MTPAP: variants seen among roughly 807,000 people sequenced by gnomAD.
MTPAP encodes the protein poly(A) RNA polymerase, mitochondrial.
In MTPAP, 23 loss-of-function variants were observed where a neutral mutation model predicts 48.7. The observed-to-expected ratio is 0.47, with a 90% CI of 0.34 to 0.67. MTPAP has a LOEUF of 0.67. Among genes scored for constraint, MTPAP ranks in the 30% least tolerant of loss-of-function variants. MTPAP has a pLI of 0.01. For missense variants in MTPAP, 614 were observed against 694.3 expected (o/e 0.88, Z 1.30); for synonymous variants, 257 against 254.1 (o/e 1.01, Z -0.11).
chr10:30,323,451 CAAAAAAAAAA>C (rs755342499), intron 5 of MTPAP, among the ~76,000 whole-genome samples: 19 of 84,720 alleles, frequency 2.2e-4, no homozygotes, highest in Non-Finnish European at 3.0e-4. Flanking sequence ...GACCCTGCCT[CAAAAAAAAAA>C]AAAAAAAAAA....
At chr10:30,338,055 T>G (rs964020054) in intron 3 of MTPAP, among the ~76,000 whole-genome samples, 7 of 150,448 alleles carry the variant, frequency 4.7e-5, no homozygotes, top group Non-Finnish European at 8.9e-5. Flanking sequence ...AGCTCAGGAG[T>G]GAGACCAGCC....
chr10:30,315,785 G>C (rs931933592), intron 8 of MTPAP, among the ~76,000 whole-genome samples, 178 bp downstream of exon 8: 14 of 152,168 alleles, frequency 9.2e-5, no homozygotes, highest in African/African-American at 2.9e-4. Context: ...TTGGCATAAA[G>C]GGATGACTGA....
At chr10:30,331,709 G>A (rs903039656) in intron 4 of MTPAP, among the ~76,000 whole-genome samples, 2 of 152,208 alleles carry the variant, frequency 1.3e-5, no homozygotes, top group African/African-American at 4.8e-5. Context: ...TGGGATTACA[G>A]GCACCCGCCA....
intron 5 of MTPAP, 94 bp from the exon 6 acceptor site, chr10:30,322,711 C>T: frequency 1.2e-6 from 1 of 838,688 alleles, no homozygotes; most frequent in Non-Finnish European, 2.0e-6. Flanking sequence ...TCTAAATATC[C>T]TACTATATCT....
chr10:30,316,826 G>T (rs1463390110), intron 6 of MTPAP, among the ~76,000 whole-genome samples: 1 of 152,056 alleles, frequency 6.6e-6, no homozygotes. Flanking sequence ...GGAGGCGGAG[G>T]TTGCAATGAG....
In MTPAP at chr10:30,349,173, T is replaced by A; in HGVS notation, c.103A>T (p.Thr35Ser). ...PIVRLLSCPG[T>S]VAKDLRRDEQ... ...TCTCTCCTAAGGTCTTTGGCCACAGTTCCTGGGCAACTCAAAAGCCTGACG... is the reference window on the plus strand; with the variant it reads ...TCTCTCCTAAGGTCTTTGGCCACAGATCCTGGGCAACTCAAAAGCCTGACG... The change falls in exon 1 of 9, where the codon ACT becomes TCT. Residue 35 changes from threonine (T) to serine (S), a missense_variant. This residue lies in a region of MTPAP where 125 missense variants were observed against 111.5 expected (regional missense o/e 1.12). Transcript: ENST00000263063. The A allele has an allele frequency of 6.2e-7, 1 of 1,612,832 alleles. No individual in the cohort carries two copies. Among genetic ancestry groups the A allele is most frequent in the Non-Finnish European group, 8.5e-7 (1 of 1,179,634 alleles).
rs1840570777 is a variant in MTPAP, at chr10:30,309,820, T to G, written c.*3789A>C. The G allele has an allele frequency of 6.6e-6, 1 of 152,228 alleles. No individual in the cohort carries two copies. Among genetic ancestry groups the G allele is most frequent in the South Asian group, 2.1e-4 (1 of 4,830 alleles). The allele number at this position is 152,228 out of a possible 1,614,324, so 9.4% of individuals were successfully genotyped here. A position where few individuals can be genotyped will look rare whatever the true frequency, so the allele number is the denominator to read the frequency against. On this transcript the variant is annotated 3_prime_UTR_variant, in exon 9 of 9. Transcript: ENST00000263063. ...AAAAAGTCTTATTTCAACTCAACTT[T>G]ATTTTCCCTTCTCCTTTATGGTAAC...
chr10:30,321,297 C>T (rs1471899405), intron 6 of MTPAP, among the ~76,000 whole-genome samples: 1 of 152,100 alleles, frequency 6.6e-6, no homozygotes, highest in Admixed American at 6.5e-5. Context: ...TCAAGTGAAG[C>T]AGTGAGAGTG....
In MTPAP at chr10:30,309,929, C is replaced by G. The variant is rs1840571547; in HGVS notation, c.*3680G>C. 1 of 152,130 alleles carries G rather than the reference C, an allele frequency of 6.6e-6. No individual in the cohort carries two copies. Among genetic ancestry groups the G allele is most frequent in the South Asian group, 2.1e-4 (1 of 4,826 alleles). 9.4% of individuals were successfully genotyped at this position (152,130 alleles called of 1,614,324 possible). On this transcript the variant is annotated 3_prime_UTR_variant, in exon 9 of 9. Coordinates refer to ENST00000263063, the MANE Select transcript of MTPAP (RefSeq NM_018109.4). Reference sequence around the variant, plus strand: ...TTTCCTAGAAAGTCTCTGGCTAATTCTCAAATTTTCTAAAGATGGATAATA... The same window carrying G: ...TTTCCTAGAAAGTCTCTGGCTAATTGTCAAATTTTCTAAAGATGGATAATA...
rs1401907234 is a variant in MTPAP at position 30,311,013 on chromosome 10, G to GA, written c.*2595dup. 2 of 151,724 alleles carry GA rather than the reference G, an allele frequency of 1.3e-5. No individual in the cohort carries two copies. The highest frequency in any genetic ancestry group is 2.9e-5 in the Non-Finnish European group (2 of 67,930). 9.4% of individuals were successfully genotyped at this position (151,724 alleles called of 1,614,324 possible). A position where few individuals can be genotyped will look rare whatever the true frequency, so the allele number is the denominator to read the frequency against. ...AGGCTGTCCTACAAATTACCAAAAA[G>GA]AAAAGAAAATGCTAACCCATACACA... On this transcript the variant is annotated 3_prime_UTR_variant, in exon 9 of 9. Transcript: ENST00000263063.
intron 6 of MTPAP, among the ~76,000 whole-genome samples, chr10:30,319,171 C>T (rs912913252): frequency 6.6e-6 from 1 of 152,006 alleles, no homozygotes; most frequent in Non-Finnish European, 1.5e-5. Context: ...GGCTAAAGCT[C>T]CCAACTGGTA....
rs1405924012 is a variant in MTPAP, at chr10:30,340,324, A to G, written c.457T>C (p.Leu153=). 29 of 1,614,080 alleles carry G rather than the reference A, an allele frequency of 1.8e-5. No individual in the cohort carries two copies. In the East Asian group the frequency reaches 5.3e-4, roughly 30 times the overall value. The part of the protein sequence containing the change: ...PFRSRFFNLK[L]KNQTSERSRV... ...GACCGTTCAGAAGTCTGGTTTTTCA[A>G]CTTCAGATTGAAGAAACGTGATCTG... The change falls in exon 3 of 9, where the codon TTG becomes CTG. Residue 153 remains leucine, a synonymous_variant. Coordinates refer to ENST00000263063, the MANE Select transcript of MTPAP (RefSeq NM_018109.4).
chr10:30,345,046 C>T (rs953977412), intron 1 of MTPAP, among the ~76,000 whole-genome samples: 10 of 152,130 alleles, frequency 6.6e-5, no homozygotes, highest in Non-Finnish European at 1.5e-4. Context: ...TAAGTCCTCT[C>T]CCAGTCCTCT....
At chr10:30,342,784 C>T (rs983935739) in intron 1 of MTPAP, among the ~76,000 whole-genome samples, 6 of 152,208 alleles carry the variant, frequency 3.9e-5, no homozygotes, top group East Asian at 1.9e-4. Flanking sequence ...AACTATCATG[C>T]GCTCTGTATC....
Position 30,313,957 on chromosome 10 carries a change from G to A in MTPAP, c.1401C>T (p.Asn467=). Residue 467 remains asparagine, a synonymous_variant, in exon 9 of 9, where the codon AAC becomes AAT. Transcript: ENST00000263063. ...SINIRQGREQ[N]KPDSSPLYIQ... is the part of the protein sequence containing the mutation. ...TGTACAGAGGAGAAGAATCAGGTTT[G>A]TTTTGCTCCCTTCCCTATAGATTAT... 2 of 1,613,658 alleles carry A rather than the reference G, an allele frequency of 1.2e-6. No individual in the cohort carries two copies. Among genetic ancestry groups the A allele is most frequent in the South Asian group, 1.1e-5 (1 of 91,068 alleles).
chr10:30,340,381 G>C lies in MTPAP; in HGVS notation c.400C>G (p.Pro134Ala). 1 of 1,614,176 alleles carries C rather than the reference G, an allele frequency of 6.2e-7. No homozygotes were observed. The highest frequency in any genetic ancestry group is 1.1e-5 in the South Asian group (1 of 91,080). Residue 134 changes from proline (P) to alanine (A), a missense_variant, in exon 3 of 9, where the codon CCA (proline) becomes GCA (alanine). Coordinates refer to ENST00000263063, the MANE Select transcript of MTPAP (RefSeq NM_018109.4). ...IGSLQNGTHT[P>A]STAMETAIPF... ...ATTGCAGTCTCCATGGCCGTGCTTG[G>C]AGTATGAGTCCCATTCTGCAGTGAA...
At chr10:30,316,617 C>T (rs901582160) in intron 6 of MTPAP, among the ~76,000 whole-genome samples, 13 of 150,652 alleles carry the variant, frequency 8.6e-5, no homozygotes, top group Admixed American at 2.7e-4. Context: ...AGGCCAGGCG[C>T]GGTGGCTCAC....
At chr10:30,345,263 A>T (rs1834860996) in intron 1 of MTPAP, among the ~76,000 whole-genome samples, 1 of 152,160 alleles carries the variant, frequency 6.6e-6, no homozygotes, top group Admixed American at 6.5e-5. Context: ...CATTTACTTT[A>T]TTTCTTTTAA....
In MTPAP at chr10:30,337,025, T is replaced by C. The variant is rs1834737807; in HGVS notation, c.558A>G (p.Ile186Met). The C allele has an allele frequency of 1.2e-6, 2 of 1,611,736 alleles. No homozygotes were observed. Among genetic ancestry groups the C allele is most frequent in the South Asian group, 1.1e-5 (1 of 91,008 alleles). Residue 186 changes from isoleucine (I) to methionine (M), a missense_variant and splice_region_variant, in exon 4 of 9, where the codon ATA (isoleucine) becomes ATG (methionine). By Grantham distance (10) the Ile-to-Met change is conservative. Coordinates refer to ENST00000263063, the MANE Select transcript of MTPAP (RefSeq NM_018109.4). Reference sequence around the variant, plus strand: ...TCAAGAGAGTGTTCAGCTGATCGTCTATCTAGCTAGCCGAAACAAAACCAA... The same window carrying C: ...TCAAGAGAGTGTTCAGCTGATCGTCCATCTAGCTAGCCGAAACAAAACCAA... ...LFELLCYAES[I>M]DDQLNTLLKE...
Sources: gnomAD v4.1 joint callset for allele counts (sites outside exome capture counted in the v4.1 genomes callset) on GRCh38, gnomAD v4.1.1 for gene constraint, gnomAD v4.1.1 regional missense constraint, MANE v1.5 for transcripts, NCBI Gene and HGNC (gene_info 2026-07-23, HGNC 2026-07-21) for gene names.